The following COQ10A variants were observed in gnomAD, a reference collection of about 807,000 sequenced individuals.
COQ10A encodes the protein coenzyme Q-binding protein COQ10 homolog A, mitochondrial.
COQ10A carries 25 observed loss-of-function variants against 26.1 expected under a neutral mutation model. The observed-to-expected ratio is 0.96, with a 90% CI of 0.70 to 1.34. The LOEUF (loss-of-function observed/expected upper bound fraction) is 1.34, where lower values mean the gene tolerates loss of function less well. Among genes scored for constraint, COQ10A ranks in the 40% most tolerant of loss-of-function variants. The pLI, the probability that COQ10A is intolerant of heterozygous loss-of-function variation, is 0.00. For synonymous variants in COQ10A, 132 were observed against 124.0 expected (o/e 1.06, Z -0.43); for missense variants, 312 against 335.4 (o/e 0.93, Z 0.54).
At chr12:56,268,106 T>C in intron 2 of COQ10A, 166 bp downstream of exon 2, 2 of 858,032 alleles carry the variant, frequency 2.3e-6, no homozygotes, top group Non-Finnish European at 1.8e-6. Context: ...CTTCCGACCT[T>C]AATTTCTCCC....
At position 56,269,271 on chromosome 12, in the gene COQ10A, G is replaced by C. The variant is rs745535763; in HGVS notation, c.474+20G>C. 34 of 1,604,136 alleles carry C rather than the reference G, an allele frequency of 2.1e-5. No homozygotes were observed. Among genetic ancestry groups the C allele is most frequent in the Non-Finnish European group, 2.9e-5 (34 of 1,172,972 alleles). On this transcript the variant is annotated intron_variant, in intron 3 of 4. Transcript: ENST00000308197. ...GTCAAGGTGAGGCCTGTATGGGAGGGATTGACAAGATTTTTTGTTTTTAGC... is the reference window on the plus strand; with the variant it reads ...GTCAAGGTGAGGCCTGTATGGGAGGCATTGACAAGATTTTTTGTTTTTAGC...
At chr12:56,268,915 G>GT in intron 2 of COQ10A, 144 bp from the exon 3 acceptor site, 1 of 653,568 alleles carries the variant, frequency 1.5e-6, no homozygotes, top group Non-Finnish European at 2.7e-6. Context: ...TTTGCTTTTG[G>GT]GAAGTTATTC....
At chr12:56,270,038 C>T (rs553308079) in intron 4 of COQ10A, 112 bp from the exon 5 acceptor site, 42 of 1,090,114 alleles carry the variant, frequency 3.9e-5, no homozygotes, top group African/African-American at 3.3e-4. Flanking sequence ...CGGGGATCCA[C>T]GAACTGGATG....
At chr12:56,270,047 T>G in intron 4 of COQ10A, 103 bp from the exon 5 acceptor site, 1 of 1,181,258 alleles carries the variant, frequency 8.5e-7, no homozygotes, top group South Asian at 1.4e-5. Context: ...ACGAACTGGA[T>G]GGGGAGGGGG....
chr12:56,267,419 A>C (rs1462677755), intron 1 of COQ10A, 167 bp downstream of exon 1: 1 of 1,613,860 alleles, frequency 6.2e-7, no homozygotes, highest in Admixed American at 1.7e-5. Context: ...TTGTACGAGA[A>C]GGGAAGTTCT....
chr12:56,269,498 G>A lies in COQ10A; in HGVS notation c.513G>A (p.Glu171=). The A allele has an allele frequency of 6.2e-7, 1 of 1,614,182 alleles. No homozygotes were observed. The highest frequency in any genetic ancestry group is 1.6e-4 in the Middle Eastern group (1 of 6,062). ...CTDGKLFNHL[E]TIWRFSPGIP... is the part of the protein sequence containing the mutation. ...ATGGCAAGCTCTTCAACCACTTAGAGACTATTTGGCGATTCAGCCCTGGTA... is the reference window on the plus strand; with the variant it reads ...ATGGCAAGCTCTTCAACCACTTAGAAACTATTTGGCGATTCAGCCCTGGTA... The change falls in exon 4 of 5, where the codon GAG becomes GAA. Residue 171 remains glutamate (E), a synonymous_variant. Coordinates refer to ENST00000308197, the MANE Select transcript of COQ10A (RefSeq NM_144576.4).
intron 2 of COQ10A, 81 bp downstream of exon 2, chr12:56,268,021 A>G (rs1340313702): frequency 6.5e-7 from 1 of 1,544,444 alleles, no homozygotes. Context: ...TCAGGGTATC[A>G]TCGGTGGGCA....
intron 2 of COQ10A, 136 bp downstream of exon 2, chr12:56,268,076 C>T (rs939607842): frequency 9.2e-7 from 1 of 1,084,148 alleles, no homozygotes; most frequent in Admixed American, 2.1e-5. Context: ...AATACTGATC[C>T]TCAGTCCTCC....
chr12:56,268,263 G>A (rs761775698), intron 2 of COQ10A: 1 of 294,540 alleles, frequency 3.4e-6, no homozygotes, highest in East Asian at 8.8e-5. Context: ...TTTAGGTCAG[G>A]AGTTCGAGAC....
Position 56,267,228 on chromosome 12 carries a change from C to A in COQ10A, c.110C>A (p.Pro37His). 1 of 1,469,006 alleles carries A rather than the reference C, an allele frequency of 6.8e-7. No individual in the cohort carries two copies. Among genetic ancestry groups the A allele is most frequent in the African/African-American group, 1.5e-5 (1 of 68,414 alleles). The allele number at this position is 1,469,006 out of a possible 1,614,324, so 91.0% of individuals were successfully genotyped here. Residue 37 changes from proline (P) to histidine (H), a missense_variant, in exon 1 of 5, where the codon CCT (proline) becomes CAT (histidine). Coordinates refer to ENST00000308197, the MANE Select transcript of COQ10A (RefSeq NM_144576.4). ...GCGCAACCGGCCCCGCCCCCAGGCC[C>A]TCTGCCACCGCCGCGACCAATGAGG... Reference protein sequence around the residue: ...PGAQPAPPPGPLPPPRPMRFL... With the variant: ...PGAQPAPPPGHLPPPRPMRFL...
In COQ10A at chr12:56,269,591, G is replaced by A. The variant is rs1160167227; in HGVS notation, c.576+30G>A. The A allele has an allele frequency of 3.5e-6, 5 of 1,447,776 alleles. No homozygotes were observed. The East Asian group carries it at 6.8e-5, about 20-fold the overall frequency. 89.7% of individuals were successfully genotyped at this position (1,447,776 alleles called of 1,614,324 possible). A position where few individuals can be genotyped will look rare whatever the true frequency, so the allele number is the denominator to read the frequency against. On this transcript the variant is annotated intron_variant, in intron 4 of 4. Coordinates refer to ENST00000308197, the MANE Select transcript of COQ10A (RefSeq NM_144576.4). The stretch of plus-strand genomic sequence containing the variant: ...GTCAGGAGGTTGTGTAGCAGAGGAC[G>A]AGGACTGGGTATGAGGAAGGGCTGG...
chr12:56,269,431 T>C (rs1171992892), intron 3 of COQ10A, 29 bp from the exon 4 acceptor site: 3 of 1,556,186 alleles, frequency 1.9e-6, no homozygotes, highest in African/African-American at 2.7e-5. Flanking sequence ...TTAGTAATGT[T>C]ATTTAACTAC....
intron 1 of COQ10A, 98 bp from the exon 2 acceptor site, chr12:56,267,696 C>T: frequency 6.5e-7 from 1 of 1,527,964 alleles, no homozygotes; most frequent in South Asian, 1.1e-5. Flanking sequence ...CTTGTTTGGA[C>T]GACCTTCGTC....
intron 3 of COQ10A, 34 bp downstream of exon 3, chr12:56,269,285 TTTG>T: frequency 6.2e-7 from 1 of 1,601,914 alleles, no homozygotes; most frequent in Non-Finnish European, 8.5e-7. Context: ...GACAAGATTT[TTTG>T]TTTTTAGCAG....
intron 2 of COQ10A, 98 bp downstream of exon 2, chr12:56,268,038 A>T (rs1872403536): frequency 1.7e-5 from 24 of 1,401,800 alleles, no homozygotes; most frequent in Non-Finnish European, 2.4e-5. Flanking sequence ...GGCAAGATTC[A>T]TCCCTAGCCA....
chr12:56,270,000 C>T (rs1240066119), intron 4 of COQ10A, 150 bp from the exon 5 acceptor site: 21 of 721,398 alleles, frequency 2.9e-5, no homozygotes, highest in Admixed American at 1.4e-4. Flanking sequence ...ACTCGTACTC[C>T]GTGCTCAGTC....
chr12:56,268,969 T>A (rs1437644657), intron 2 of COQ10A, 90 bp from the exon 3 acceptor site: 1 of 1,011,534 alleles, frequency 9.9e-7, no homozygotes, highest in Non-Finnish European at 1.5e-6. Flanking sequence ...GGTGCGTGGT[T>A]AGTGGGCAAA....
At chr12:56,268,873 T>C (rs563825407) in intron 2 of COQ10A, 186 bp from the exon 3 acceptor site, 1 of 567,360 alleles carries the variant, frequency 1.8e-6, no homozygotes, top group Non-Finnish European at 3.2e-6. Context: ...AACTGCAAAA[T>C]ATAAGGTAAC....
At position 56,270,447 on chromosome 12, in the gene COQ10A, C is replaced by T. The variant is rs77131854; in HGVS notation, c.*130C>T. Reference sequence around the variant, plus strand: ...TAATACTGTTTCTCCTCTCAATTTCCCAGAAATTGGGTTCTATGCTGGCTG... The same window carrying T: ...TAATACTGTTTCTCCTCTCAATTTCTCAGAAATTGGGTTCTATGCTGGCTG... On this transcript the variant is annotated 3_prime_UTR_variant, in exon 5 of 5. Coordinates refer to ENST00000308197, the MANE Select transcript of COQ10A (RefSeq NM_144576.4). The T allele has an allele frequency of 0.055, 54,640 of 985,396 alleles. 1,846 individuals are homozygous for T. Among genetic ancestry groups the T allele is most frequent in the Non-Finnish European group, 0.065 (44,200 of 678,648 alleles). 61.0% of individuals were successfully genotyped at this position (985,396 alleles called of 1,614,324 possible). A position where few individuals can be genotyped will look rare whatever the true frequency, so the allele number is the denominator to read the frequency against.
Sources: gnomAD v4.1 joint callset for allele counts on GRCh38, gnomAD v4.1.1 for gene constraint, MANE v1.5 for transcripts, NCBI Gene and HGNC (gene_info 2026-07-23, HGNC 2026-07-21) for gene names.